The following CREB3L2 variants were observed in gnomAD, a reference collection of about 807,000 sequenced individuals.
The protein encoded by CREB3L2 is cAMP responsive element binding protein 3 like 2.
CREB3L2 carries 23 observed loss-of-function variants against 57.2 expected under a neutral mutation model. The ratio of observed to expected loss-of-function variants is 0.40; its 90% CI spans 0.29 to 0.57. The LOEUF (loss-of-function observed/expected upper bound fraction) is 0.57. Among genes scored for constraint, CREB3L2 ranks in the 20% least tolerant of loss-of-function variants. The pLI is 0.42. For missense variants in CREB3L2, 628 were observed against 634.7 expected (o/e 0.99, Z 0.11); for synonymous variants, 268 against 265.1 (o/e 1.01, Z -0.11).
chr7:137,977,527 C>T (rs565053419), intron 1 of CREB3L2, among the ~76,000 whole-genome samples: 1 of 152,280 alleles, frequency 6.6e-6, no homozygotes, highest in African/African-American at 2.4e-5. Context: ...TCCAAAAAAC[C>T]TTGAAAATTA....
intron 1 of CREB3L2, among the ~76,000 whole-genome samples, chr7:137,995,336 T>TTC (rs1409596365): frequency 8.4e-6 from 1 of 119,694 alleles, no homozygotes; most frequent in African/African-American, 3.2e-5. Context: ...TTTCTTTCTT[T>TTC]TTTTTTTTTT....
chr7:137,896,623 G>A (rs1015830871), intron 8 of CREB3L2, among the ~76,000 whole-genome samples: 1 of 152,052 alleles, frequency 6.6e-6, no homozygotes, highest in Non-Finnish European at 1.5e-5. Context: ...ATCTTAGGAG[G>A]TCCCCGCTAC....
At chr7:137,946,158 G>A (rs903794521) in intron 1 of CREB3L2, among the ~76,000 whole-genome samples, 1 of 152,048 alleles carries the variant, frequency 6.6e-6, no homozygotes, top group Non-Finnish European at 1.5e-5. Flanking sequence ...AACATGCTCG[G>A]TATAACCCCC....
intron 1 of CREB3L2, among the ~76,000 whole-genome samples, chr7:137,933,035 CA>C (rs1800690054): frequency 2.0e-5 from 3 of 152,182 alleles, no homozygotes; most frequent in Admixed American, 2.0e-4. Context: ...AGAACAGTGG[CA>C]AGGCTAAGAT....
intron 1 of CREB3L2, among the ~76,000 whole-genome samples, chr7:137,986,923 G>A (rs1287257663): frequency 1.3e-5 from 2 of 152,188 alleles, no homozygotes; most frequent in African/African-American, 2.4e-5. Context: ...CTTAGAACAT[G>A]ATGCCTCGAG....
intron 10 of CREB3L2, 165 bp downstream of exon 10, chr7:137,884,830 A>C (rs2117176155): frequency 2.4e-6 from 2 of 847,458 alleles, no homozygotes; most frequent in South Asian, 2.8e-5. Flanking sequence ...CCAGTGGATG[A>C]GGGGCCCCAG....
intron 1 of CREB3L2, among the ~76,000 whole-genome samples, chr7:137,940,789 T>C (rs929922099): frequency 1.2e-4 from 19 of 152,348 alleles, no homozygotes; most frequent in South Asian, 6.2e-4. Flanking sequence ...CTATGCTTTA[T>C]TTATGAGCCA....
chr7:137,994,599 C>T (rs4732278), intron 1 of CREB3L2, among the ~76,000 whole-genome samples: 109,682 of 152,048 alleles, frequency 0.72, 42,166 homozygotes, highest in Non-Finnish European at 0.87. Context: ...GCTATTTCTA[C>T]ATCTATAGTC....
intron 7 of CREB3L2, among the ~76,000 whole-genome samples, chr7:137,903,041 G>A (rs1486444240): frequency 1.3e-5 from 2 of 152,032 alleles, no homozygotes; most frequent in Non-Finnish European, 2.9e-5. Context: ...TTGAACTCCT[G>A]AGCTCAAGCA....
At chr7:137,898,985 AAG>A (rs1799683208) in intron 8 of CREB3L2, among the ~76,000 whole-genome samples, 1 of 149,056 alleles carries the variant, frequency 6.7e-6, no homozygotes, top group Non-Finnish European at 1.5e-5. Context: ...GGAAGGAAGG[AAG>A]GAGGGAGAAA....
In CREB3L2 at chr7:137,969,345, T is replaced by C. The variant is rs1019687488; in HGVS notation, c.102+32259A>G. 5.5e-3 allele frequency among the ~76,000 whole-genome samples: 753 copies of C among 138,034 alleles called. 1 individual carries two copies. The highest frequency in any genetic ancestry group is 0.02 in the African/African-American group (720 of 36,824). The allele number at this position is 138,034 out of a possible 152,430, so 90.6% of individuals were successfully genotyped here. On this transcript the variant is annotated intron_variant, in intron 1 of 11. Transcript: ENST00000330387. The stretch of plus-strand genomic sequence containing the variant: ...TTTTTGAGCATTATGATCTTCTTTT[T>C]TTTTTTTTTTTTTTTTTTTGAGACA...
intron 1 of CREB3L2, among the ~76,000 whole-genome samples, chr7:137,990,995 T>C (rs1801883627): frequency 6.6e-6 from 1 of 152,152 alleles, no homozygotes; most frequent in Admixed American, 6.5e-5. Context: ...TCTCTGTTTT[T>C]CCATTCTTTA....
intron 2 of CREB3L2, 66 bp downstream of exon 2, chr7:137,928,084 C>G (rs911667082): frequency 4.9e-6 from 6 of 1,236,680 alleles, no homozygotes; most frequent in East Asian, 2.5e-5. Flanking sequence ...AATACACACT[C>G]CACACCCTCA....
intron 3 of CREB3L2, among the ~76,000 whole-genome samples, chr7:137,914,854 T>C (rs1202687083): frequency 6.6e-6 from 1 of 152,164 alleles, no homozygotes; most frequent in African/African-American, 2.4e-5. Flanking sequence ...TGTGTTACCA[T>C]ATTCTGAACA....
chr7:137,966,710 G>T (rs1032425516), intron 1 of CREB3L2, among the ~76,000 whole-genome samples: 1 of 152,164 alleles, frequency 6.6e-6, no homozygotes, highest in South Asian at 2.1e-4. Context: ...TGCCATATGA[G>T]AGTTCATCAA....
intron 1 of CREB3L2, among the ~76,000 whole-genome samples, chr7:137,949,135 T>C (rs929539986): frequency 2.6e-5 from 4 of 152,194 alleles, no homozygotes; most frequent in African/African-American, 9.7e-5. Context: ...CAAAGAAATA[T>C]CATTTTCTCT....
intron 1 of CREB3L2, among the ~76,000 whole-genome samples, chr7:137,986,326 A>G (rs1801791677): frequency 6.6e-6 from 1 of 152,248 alleles, no homozygotes; most frequent in Admixed American, 6.5e-5. Context: ...AAAACAGACA[A>G]GCACACTTAT....
chr7:137,903,946 C>T lies in CREB3L2; in HGVS notation c.974+13G>A. The T allele has an allele frequency of 6.2e-7, 1 of 1,610,082 alleles. No homozygotes were observed. ...ACTGCCCGATGAACGCAACAGTTTGCCAGCAGGCTTACTTTTTCTCCAGGC... is the reference window on the plus strand; with the variant it reads ...ACTGCCCGATGAACGCAACAGTTTGTCAGCAGGCTTACTTTTTCTCCAGGC... On this transcript the variant is annotated intron_variant, in intron 7 of 11. Coordinates refer to ENST00000330387, the MANE Select transcript of CREB3L2 (RefSeq NM_194071.4).
chr7:137,897,079 G>C (rs1373235243), intron 8 of CREB3L2, among the ~76,000 whole-genome samples: 1 of 152,070 alleles, frequency 6.6e-6, no homozygotes, highest in African/African-American at 2.4e-5. Context: ...CTAGAAGTGT[G>C]CTAAGCATTG....
Sources: gnomAD v4.1 joint callset for allele counts (sites outside exome capture counted in the v4.1 genomes callset) on GRCh38, gnomAD v4.1.1 for gene constraint, MANE v1.5 for transcripts, NCBI Gene and HGNC (gene_info 2026-07-23, HGNC 2026-07-21) for gene names.